The following EEPD1 variants were observed in gnomAD, a reference collection of about 807,000 sequenced individuals.
EEPD1 encodes the protein endonuclease/exonuclease/phosphatase family domain-containing protein 1.
In EEPD1, 17 loss-of-function variants were observed where a neutral mutation model predicts 46.3. That is an observed-to-expected ratio of 0.37 (90% CI 0.25 to 0.55). The LOEUF is 0.55. Ranked by LOEUF, EEPD1 falls within the 20% of genes least tolerant of loss-of-function variation. The pLI is 0.83. For missense variants in EEPD1, 673 were observed against 745.6 expected (o/e 0.90, Z 1.13); for synonymous variants, 313 against 315.6 (o/e 0.99, Z 0.09).
At chr7:36,281,552 C>T (rs1229809054) in intron 4 of EEPD1, among the ~76,000 whole-genome samples, 2 of 152,160 alleles carry the variant, frequency 1.3e-5, no homozygotes, top group Non-Finnish European at 2.9e-5. Flanking sequence ...TTGTGCAGAG[C>T]TCATTACTCG....
At chr7:36,167,007 G>GT (rs1191896469) in intron 2 of EEPD1, among the ~76,000 whole-genome samples, 2 of 152,130 alleles carry the variant, frequency 1.3e-5, no homozygotes, top group Admixed American at 6.5e-5. Context: ...GGCCAGCTTG[G>GT]TTTTTTCTCA....
intron 3 of EEPD1, among the ~76,000 whole-genome samples, chr7:36,266,582 A>G (rs1241595333): frequency 6.6e-6 from 1 of 152,244 alleles, no homozygotes; most frequent in Non-Finnish European, 1.5e-5. Context: ...TATAATTCAC[A>G]TAACATAAAA....
At chr7:36,169,143 A>C (rs1207065703) in intron 2 of EEPD1, among the ~76,000 whole-genome samples, 1 of 152,172 alleles carries the variant, frequency 6.6e-6, no homozygotes, top group Admixed American at 6.5e-5. Flanking sequence ...GGTTGTTTCC[A>C]CTTTTTGGCT....
chr7:36,159,110 C>T (rs1784866171), intron 2 of EEPD1, among the ~76,000 whole-genome samples: 1 of 152,200 alleles, frequency 6.6e-6, no homozygotes, highest in Admixed American at 6.5e-5. Context: ...TTAGTAGGAT[C>T]AATATAAACA....
intron 2 of EEPD1, among the ~76,000 whole-genome samples, chr7:36,181,782 C>T (rs1451330734): frequency 1.3e-5 from 2 of 152,172 alleles, no homozygotes; most frequent in Non-Finnish European, 2.9e-5. Flanking sequence ...TGGAAAATTA[C>T]AAGCACATTT....
chr7:36,177,443 A>T (rs1249283883), intron 2 of EEPD1, among the ~76,000 whole-genome samples: 1 of 152,026 alleles, frequency 6.6e-6, no homozygotes, highest in African/African-American at 2.4e-5. Flanking sequence ...AGTAGTCCCC[A>T]GTGTCTCTTG....
intron 3 of EEPD1, among the ~76,000 whole-genome samples, chr7:36,276,878 G>C (rs1463494609): frequency 6.6e-6 from 1 of 152,230 alleles, no homozygotes; most frequent in African/African-American, 2.4e-5. Context: ...CCGAGAGGGT[G>C]GGGTGGCAGT....
rs561550273 is a variant in EEPD1, at chr7:36,165,138, C to T, written c.878+9936C>T. Among the ~76,000 whole-genome samples, 10 of 152,288 alleles carry T rather than the reference C, an allele frequency of 6.6e-5. No individual in the cohort carries two copies. In the East Asian group the frequency reaches 1.3e-3, roughly 21 times the overall value. On this transcript the variant is annotated intron_variant, in intron 2 of 7. Coordinates refer to ENST00000242108, the MANE Select transcript of EEPD1 (RefSeq NM_030636.3). Reference sequence around the variant, plus strand: ...TGTCCTGGACCTTCACATTCTTTCACCACTCACCCACTCACTCAGAGCAAC... The same window carrying T: ...TGTCCTGGACCTTCACATTCTTTCATCACTCACCCACTCACTCAGAGCAAC...
At chr7:36,257,244 G>T (rs1183946475) in intron 3 of EEPD1, among the ~76,000 whole-genome samples, 1 of 151,658 alleles carries the variant, frequency 6.6e-6, no homozygotes, top group Non-Finnish European at 1.5e-5. Context: ...CCTTCTGGCT[G>T]CCCTTAACAT....
intron 3 of EEPD1, among the ~76,000 whole-genome samples, chr7:36,272,506 G>GTTTTTTTTTT (rs111825287): frequency 7.7e-6 from 1 of 130,526 alleles, no homozygotes; most frequent in Admixed American, 8.2e-5. Context: ...TTTTGTTGTT[G>GTTTTTTTTTT]TTTTTTTTTT....
At chr7:36,255,534 A>ACTT (rs1562703609) in intron 3 of EEPD1, among the ~76,000 whole-genome samples, 1 of 151,926 alleles carries the variant, frequency 6.6e-6, no homozygotes, top group African/African-American at 2.4e-5. Context: ...CAGGGATTCA[A>ACTT]CTTCTTCCTG....
chr7:36,289,707 G>A (rs1353988139), intron 6 of EEPD1, among the ~76,000 whole-genome samples: 1 of 152,196 alleles, frequency 6.6e-6, no homozygotes, highest in African/African-American at 2.4e-5. Context: ...TGTTAGCCAG[G>A]ATGGTCTCAA....
intron 6 of EEPD1, among the ~76,000 whole-genome samples, chr7:36,296,749 A>AAGGG (rs567766908): frequency 5.0e-4 from 74 of 146,766 alleles, no homozygotes; most frequent in African/African-American, 1.9e-3. Context: ...AGGCTTCAAC[A>AAGGG]AGGGTGATTT....
At chr7:36,289,222 C>T (rs1236690290) in intron 6 of EEPD1, among the ~76,000 whole-genome samples, 3 of 152,144 alleles carry the variant, frequency 2.0e-5, no homozygotes, top group African/African-American at 4.8e-5. Flanking sequence ...ATATTCAAGT[C>T]AGTGCTACTA....
rs1423920188 is a variant in EEPD1 at position 36,225,397 on chromosome 7, C to T, written c.879-13588C>T. On this transcript the variant is annotated intron_variant, in intron 2 of 7. Coordinates refer to ENST00000242108, the MANE Select transcript of EEPD1 (RefSeq NM_030636.3). The surrounding 1 kb of genome is among the most constrained non-coding windows in gnomAD (Gnocchi z 4.2). ...TTGGTGATTATTGAAATCAGTGATC[C>T]GTCATCCAAACTGTGATGGAAGGAA... 3.3e-5 allele frequency among the ~76,000 whole-genome samples: 5 copies of T among 152,106 alleles called. 1 individual carries two copies. The highest frequency in any genetic ancestry group is 1.9e-4 in the East Asian group (1 of 5,196).
intron 6 of EEPD1, among the ~76,000 whole-genome samples, chr7:36,289,057 A>G (rs750087976): frequency 1.1e-4 from 17 of 152,256 alleles, no homozygotes; most frequent in Non-Finnish European, 2.1e-4. Flanking sequence ...AGATTTTACT[A>G]CAAAAATATT....
chr7:36,188,218 T>C (rs1785397307), intron 2 of EEPD1, among the ~76,000 whole-genome samples: 1 of 152,214 alleles, frequency 6.6e-6, no homozygotes, highest in Admixed American at 6.5e-5. Flanking sequence ...TCTCTTTCTC[T>C]CTCTCTCTTT....
intron 3 of EEPD1, among the ~76,000 whole-genome samples, chr7:36,263,923 A>C (rs1786972282): frequency 6.6e-6 from 1 of 152,238 alleles, no homozygotes; most frequent in Non-Finnish European, 1.5e-5. Flanking sequence ...GGAAGTAACA[A>C]GTATTTTTAT....
chr7:36,236,173 T>TCGGCGTC (rs940596036), intron 2 of EEPD1, among the ~76,000 whole-genome samples: 3 of 152,232 alleles, frequency 2.0e-5, no homozygotes, highest in African/African-American at 7.2e-5. Flanking sequence ...CGGCTCCGCC[T>TCGGCGTC]CGGCGTCCGC....
Sources: gnomAD v4.1 joint callset for allele counts (sites outside exome capture counted in the v4.1 genomes callset) on GRCh38, gnomAD v4.1.1 for gene constraint, Gnocchi (gnomAD v3.1) non-coding constraint, MANE v1.5 for transcripts, NCBI Gene and HGNC (gene_info 2026-07-23, HGNC 2026-07-21) for gene names.